VPS37A: variants seen among roughly 807,000 people sequenced by gnomAD.
The protein encoded by VPS37A is VPS37A subunit of ESCRT-I.
VPS37A carries 30 observed loss-of-function variants against 49.8 expected under a neutral mutation model. The observed-to-expected ratio is 0.60, with a 90% CI of 0.45 to 0.82. VPS37A has a LOEUF of 0.82. Ranked by LOEUF, VPS37A falls within the 40% of genes least tolerant of loss-of-function variation. The pLI, the probability that VPS37A is intolerant of heterozygous loss-of-function variation, is 0.00. For synonymous variants in VPS37A, 195 were observed against 160.6 expected, an observed-to-expected ratio of 1.21 and a Z score of -1.62; for missense variants, 593 against 464.4, an observed-to-expected ratio of 1.28 and a Z score of -2.55.
Position 17,274,855 on chromosome 8 carries a change from C to G in VPS37A, c.539C>G (p.Ser180Cys), listed in dbSNP as rs778062997. 25 of 1,614,028 alleles carry G rather than the reference C, an allele frequency of 1.5e-5. No homozygotes were observed. In the East Asian group the frequency reaches 2.7e-4, roughly 17 times the overall value. ...TCTTTATCTGTTGCTGACACTGTTT[C>G]TTCTTCAACAACAAGTCATACCACA... is the stretch of plus-strand genomic sequence containing the variant. The part of the protein sequence containing the change: ...ITSLSVADTV[S>C]SSTTSHTTAK... The change falls in exon 5 of 12, where the codon TCT (serine) becomes TGT (cysteine). Residue 180 changes from serine (S) to cysteine (C), a missense_variant. Physicochemically the swap from Ser to Cys is moderately radical, Grantham distance 112 (BLOSUM62 -1). Transcript: ENST00000324849.
At chr8:17,330,875 G>A in the VPS37A span, among the ~76,000 whole-genome samples, 4 of 152,124 alleles carry the variant, frequency 2.6e-5, no homozygotes, top group Non-Finnish European at 4.4e-5. Flanking sequence ...ACATTATGAG[G>A]AAGAAACAAA....
chr8:17,269,770 T>C (rs1448894914), intron 4 of VPS37A, among the ~76,000 whole-genome samples: 1 of 152,214 alleles, frequency 6.6e-6, no homozygotes, highest in Non-Finnish European at 1.5e-5. Context: ...CTCAGGCCAT[T>C]TCCTAGTTTC....
At chr8:17,260,031 A>C (rs1275948224) in intron 1 of VPS37A, among the ~76,000 whole-genome samples, 1 of 152,072 alleles carries the variant, frequency 6.6e-6, no homozygotes, top group Non-Finnish European at 1.5e-5. Context: ...TCAGCCACTT[A>C]ATGCCTTTTA....
intron 6 of VPS37A, among the ~76,000 whole-genome samples, chr8:17,278,483 G>A (rs1349405697): frequency 6.6e-6 from 1 of 152,010 alleles, no homozygotes; most frequent in Non-Finnish European, 1.5e-5. Context: ...ATAATGAGTT[G>A]CTGCACTATC....
At chr8:17,287,518 C>A (rs963544312) in intron 11 of VPS37A, among the ~76,000 whole-genome samples, 35 of 151,522 alleles carry the variant, frequency 2.3e-4, no homozygotes. Context: ...ACTAAAAATA[C>A]AAAAAAAATA....
At chr8:17,316,696 C>T in the VPS37A span, among the ~76,000 whole-genome samples, 1 of 152,028 alleles carries the variant, frequency 6.6e-6, no homozygotes, top group Non-Finnish European at 1.5e-5. Context: ...TAATAGAAAA[C>T]CAATCCAGTG....
the VPS37A span, among the ~76,000 whole-genome samples, chr8:17,318,723 C>G: frequency 6.6e-6 from 1 of 152,180 alleles, no homozygotes; most frequent in Non-Finnish European, 1.5e-5. Flanking sequence ...GAAGTGGCAG[C>G]TGATGAAGCT....
chr8:17,264,245 A>G (rs1426728886), intron 1 of VPS37A, among the ~76,000 whole-genome samples: 1 of 152,172 alleles, frequency 6.6e-6, no homozygotes, highest in Non-Finnish European at 1.5e-5. Context: ...AATCACTAAG[A>G]TGCTCTAGTT....
At chr8:17,304,984 G>C (rs963718653), downstream of VPS37A, among the ~76,000 whole-genome samples, 6 of 152,082 alleles carry the variant, frequency 3.9e-5, no homozygotes, top group African/African-American at 1.2e-4. Context: ...GCCATATTCA[G>C]ACCCAAGCAG....
intron 4 of VPS37A, among the ~76,000 whole-genome samples, chr8:17,270,007 G>C (rs567225925): frequency 1.1e-4 from 17 of 152,128 alleles, no homozygotes; most frequent in Non-Finnish European, 2.1e-4. Flanking sequence ...GGTAAAGCGG[G>C]TGCAGGCACA....
rs953944789 is a variant in VPS37A at position 17,268,129 on chromosome 8, T to G, written c.201-129T>G. ...AGACAACACCATAATAGAGCACTTA[T>G]TACTAAATGACCCATATCAAAGTGT... On this transcript the variant is annotated intron_variant, in intron 2 of 11. Transcript: ENST00000324849. The G allele has an allele frequency of 8.3e-6, 5 of 601,292 alleles. No homozygotes were observed. In the South Asian group the frequency reaches 1.2e-4, roughly 14 times the overall value. The allele number at this position is 601,292 out of a possible 1,614,324, so 37.2% of individuals were successfully genotyped here.
chr8:17,263,427 T>C (rs1050933293), intron 1 of VPS37A, among the ~76,000 whole-genome samples: 3 of 152,212 alleles, frequency 2.0e-5, no homozygotes, highest in Non-Finnish European at 4.4e-5. Context: ...TAGATTGCCA[T>C]GATTAACTTG....
chr8:17,261,488 G>T (rs765597842), intron 1 of VPS37A, among the ~76,000 whole-genome samples: 1 of 152,262 alleles, frequency 6.6e-6, no homozygotes, highest in East Asian at 1.9e-4. Context: ...TGTTTCATCC[G>T]CTTAGGGAAG....
chr8:17,249,527 C>G (rs549810932), intron 1 of VPS37A, among the ~76,000 whole-genome samples: 1 of 152,170 alleles, frequency 6.6e-6, no homozygotes, highest in Non-Finnish European at 1.5e-5. Context: ...ACAAATTATA[C>G]TCGAATAATT....
chr8:17,313,785 A>C, the VPS37A span, among the ~76,000 whole-genome samples: 7 of 152,202 alleles, frequency 4.6e-5, no homozygotes, highest in African/African-American at 1.7e-4. Context: ...AAAATCATAT[A>C]ACTAAGTGTA....
At chr8:17,325,021 C>A in the VPS37A span, among the ~76,000 whole-genome samples, 3 of 152,100 alleles carry the variant, frequency 2.0e-5, no homozygotes, top group African/African-American at 7.2e-5. Flanking sequence ...GCAATATCTA[C>A]AAAGGGCTGA....
downstream of VPS37A, chr8:17,298,447 A>G (rs1267302297): frequency 6.6e-6 from 1 of 152,398 alleles, no homozygotes; most frequent in Non-Finnish European, 1.5e-5. Flanking sequence ...ATTTATATAT[A>G]TTGCAACACT....
At chr8:17,300,144 C>T (rs541827129), downstream of VPS37A, 109 of 1,614,088 alleles carry the variant, frequency 6.8e-5, 1 homozygote, top group South Asian at 1.2e-3. Context: ...AGGTAGAAAA[C>T]CCTGAGTGCT....
chr8:17,325,499 T>TA, the VPS37A span, among the ~76,000 whole-genome samples: 18 of 152,194 alleles, frequency 1.2e-4, no homozygotes, highest in African/African-American at 4.3e-4. Flanking sequence ...TGAGGCCTGC[T>TA]AAAAAGATTC....
Sources: gnomAD v4.1 joint callset for allele counts (sites outside exome capture counted in the v4.1 genomes callset) on GRCh38, gnomAD v4.1.1 for gene constraint, MANE v1.5 for transcripts, NCBI Gene and HGNC (gene_info 2026-07-23, HGNC 2026-07-21) for gene names.